ATXN1: variants seen among roughly 807,000 people sequenced by gnomAD.
The protein encoded by ATXN1 is ataxin-1.
In ATXN1, 8 loss-of-function variants were observed where a neutral mutation model predicts 56.4. That is an observed-to-expected ratio of 0.14 (90% CI 0.08 to 0.26). The LOEUF (loss-of-function observed/expected upper bound fraction) is 0.26, where lower values mean the gene tolerates loss of function less well. ATXN1 is among the 10% of genes least tolerant of loss of function. The pLI, the probability that ATXN1 is intolerant of heterozygous loss-of-function variation, is 1.00. For synonymous variants in ATXN1, 514 were observed against 494.6 expected, an observed-to-expected ratio of 1.04 and a Z score of -0.52; for missense variants, 987 against 1,106.5, an observed-to-expected ratio of 0.89 and a Z score of 1.53.
intron 2 of ATXN1, among the ~76,000 whole-genome samples, chr6:16,731,392 A>T (rs1759972634): frequency 6.7e-6 from 1 of 149,864 alleles, no homozygotes; most frequent in African/African-American, 2.4e-5. Flanking sequence ...GAGTCGTCAT[A>T]AAAAAAAATC....
intron 6 of ATXN1, among the ~76,000 whole-genome samples, chr6:16,422,661 A>T (rs1350567211): frequency 6.6e-6 from 1 of 152,214 alleles, no homozygotes; most frequent in Non-Finnish European, 1.5e-5. Flanking sequence ...TGAGAACTGG[A>T]ATCCACCCAA....
chr6:16,568,078 T>C (rs1280053673), intron 4 of ATXN1, among the ~76,000 whole-genome samples: 1 of 152,180 alleles, frequency 6.6e-6, no homozygotes, highest in African/African-American at 2.4e-5. Context: ...CCCAGAGTAA[T>C]ACTAGAAAAG....
chr6:16,713,608 A>G (rs1263373350), intron 2 of ATXN1, among the ~76,000 whole-genome samples: 1 of 152,232 alleles, frequency 6.6e-6, no homozygotes, highest in Non-Finnish European at 1.5e-5. Flanking sequence ...AAGGGGGAGC[A>G]AATATAAAAT....
chr6:16,581,230 CGTGTGT>C (rs1211990167), intron 4 of ATXN1, among the ~76,000 whole-genome samples: 19 of 127,828 alleles, frequency 1.5e-4, no homozygotes, highest in African/African-American at 4.8e-4. Flanking sequence ...TGTGTGCGCG[CGTGTGT>C]GTGTGTGTGT....
At chr6:16,623,191 T>C (rs1017417083) in intron 3 of ATXN1, among the ~76,000 whole-genome samples, 9 of 152,212 alleles carry the variant, frequency 5.9e-5, no homozygotes, top group African/African-American at 2.2e-4. Flanking sequence ...TGTCTCGTGG[T>C]ATACAGTACA....
Position 16,300,053 on chromosome 6 carries a change from G to C in ATXN1, c.*6276C>G, listed in dbSNP as rs1409074016. The C allele has an allele frequency of 6.6e-6, 1 of 152,634 alleles. No homozygotes were observed. Among genetic ancestry groups the C allele is most frequent in the Non-Finnish European group, 1.5e-5 (1 of 68,056 alleles). 9.5% of individuals were successfully genotyped at this position (152,634 alleles called of 1,614,324 possible). On this transcript the variant is annotated 3_prime_UTR_variant, in exon 8 of 8. Coordinates refer to ENST00000436367, the MANE Select transcript of ATXN1 (RefSeq NM_001128164.2). ...TACTTGGTATTCTGGAGGACAGTAT[G>C]TTATCTTGGTAAGGATTACTGTAAA...
intron 6 of ATXN1, among the ~76,000 whole-genome samples, chr6:16,436,185 A>G (rs957927076): frequency 4.6e-5 from 7 of 152,290 alleles, no homozygotes; most frequent in South Asian, 2.1e-4. Context: ...GGCGTGAGCC[A>G]CCACACCTGG....
rs9477187 is a variant in ATXN1 at position 16,630,874 on chromosome 6, C to A, written c.-489+26902G>T. Among the ~76,000 whole-genome samples, 794 of 152,270 alleles carry A rather than the reference C, an allele frequency of 5.2e-3. 6 individuals carry two copies. Among genetic ancestry groups the A allele is most frequent in the African/African-American group, 0.018 (751 of 41,544 alleles). ...AATAGAAATAATATTAGAGAGGTTT[C>A]ATTATGTAAATGGCTCATGTGTCTG... On this transcript the variant is annotated intron_variant, in intron 3 of 7. Transcript: ENST00000436367.
chr6:16,661,015 T>A (rs1758309359), intron 2 of ATXN1, among the ~76,000 whole-genome samples: 1 of 151,842 alleles, frequency 6.6e-6, no homozygotes. Flanking sequence ...ATTTTTGTAT[T>A]TTTAGTGGAG....
chr6:16,761,082 ACACACG>A (rs1321662955), intron 1 of ATXN1: 2 of 356,178 alleles, frequency 5.6e-6, no homozygotes, highest in East Asian at 7.4e-5. Context: ...ACACACACAC[ACACACG>A]CACACACACA....
intron 6 of ATXN1, among the ~76,000 whole-genome samples, chr6:16,354,960 A>G (rs1415815299): frequency 1.3e-5 from 2 of 152,200 alleles, no homozygotes; most frequent in East Asian, 3.8e-4. Flanking sequence ...ACAGCTGCAC[A>G]CTGTGTCCTG....
intron 6 of ATXN1, among the ~76,000 whole-genome samples, chr6:16,460,809 AAAGT>A (rs1406092262): frequency 6.6e-6 from 1 of 152,246 alleles, no homozygotes; most frequent in African/African-American, 2.4e-5. Context: ...ACAGTACTTG[AAAGT>A]AAGTCTCTTC....
At chr6:16,469,355 C>T (rs1760172000) in intron 6 of ATXN1, among the ~76,000 whole-genome samples, 1 of 152,156 alleles carries the variant, frequency 6.6e-6, no homozygotes, top group Admixed American at 6.5e-5. Flanking sequence ...AAGAACTAGG[C>T]AAGGGGTTAA....
At chr6:16,600,103 T>G (rs1210472188) in intron 3 of ATXN1, among the ~76,000 whole-genome samples, 2 of 152,232 alleles carry the variant, frequency 1.3e-5, no homozygotes, top group Non-Finnish European at 2.9e-5. Context: ...TGAATAATCT[T>G]GGGGTCATCC....
intron 6 of ATXN1, among the ~76,000 whole-genome samples, chr6:16,356,931 T>C (rs375637802): frequency 6.6e-6 from 1 of 152,184 alleles, no homozygotes; most frequent in African/African-American, 2.4e-5. Context: ...GCAGGGGTCA[T>C]ATAAAAAGCT....
intron 3 of ATXN1, among the ~76,000 whole-genome samples, chr6:16,640,478 T>C (rs1310000996): frequency 6.6e-6 from 1 of 152,056 alleles, no homozygotes; most frequent in African/African-American, 2.4e-5. Context: ...GTTCAGGAGA[T>C]CAAGACCATC....
intron 6 of ATXN1, among the ~76,000 whole-genome samples, chr6:16,472,823 C>T (rs1760245859): frequency 6.6e-6 from 1 of 152,180 alleles, no homozygotes; most frequent in African/African-American, 2.4e-5. Flanking sequence ...TAAACCACCA[C>T]CCCTAAAGGT....
chr6:16,593,184 C>T (rs1196720053), intron 3 of ATXN1, among the ~76,000 whole-genome samples: 1 of 152,166 alleles, frequency 6.6e-6, no homozygotes, highest in Non-Finnish European at 1.5e-5. Flanking sequence ...AGTCCCCACT[C>T]GACCCAGGAA....
chr6:16,444,635 C>T (rs949061959), intron 6 of ATXN1, among the ~76,000 whole-genome samples: 10 of 152,228 alleles, frequency 6.6e-5, no homozygotes, highest in Admixed American at 5.9e-4. Flanking sequence ...TCCTGCTTTT[C>T]CTACAAAACC....
Sources: allele counts gnomAD v4.1 joint callset (sites outside exome capture counted in the v4.1 genomes callset), GRCh38; gene constraint gnomAD v4.1.1; transcripts MANE v1.5; gene names NCBI Gene and HGNC (gene_info 2026-07-23, HGNC 2026-07-21).